The following LRFN5 variants were observed in gnomAD, a reference collection of about 807,000 sequenced individuals.
The protein encoded by LRFN5 is leucine-rich repeat and fibronectin type-III domain-containing protein 5.
Under a neutral mutation model 45.6 loss-of-function variants are expected in LRFN5, and 24 were observed. The ratio of observed to expected loss-of-function variants is 0.53; its 90% CI spans 0.38 to 0.74. The LOEUF is 0.74. LRFN5 is among the 30% of genes least tolerant of loss of function. The pLI, the probability that LRFN5 is intolerant of heterozygous loss-of-function variation, is 0.00. For synonymous variants in LRFN5, 340 were observed against 313.8 expected, an observed-to-expected ratio of 1.08 and a Z score of -0.88; for missense variants, 776 against 861.5, an observed-to-expected ratio of 0.90 and a Z score of 1.24.
intron 2 of LRFN5, among the ~76,000 whole-genome samples, chr14:41,779,316 T>C (rs558459431): frequency 6.6e-6 from 1 of 152,026 alleles, no homozygotes; most frequent in East Asian, 1.9e-4. Context: ...AAATTAGCTT[T>C]GGATAAATCT....
In LRFN5 at chr14:41,887,667, A is replaced by G. The variant is rs1890623443; in HGVS notation, c.1042A>G (p.Thr348Ala). Residue 348 changes from threonine to alanine, a missense_variant, in exon 3 of 6, where the codon ACT becomes GCT. By Grantham distance (58) the Thr-to-Ala change is moderately conservative. Transcript: ENST00000298119. This position sits in a 1 kb window ranked among gnomAD's most constrained non-coding sequence, Gnocchi z 4.8. ...CGGAACACTTGACATTCTTATCACA[A>G]CTGTAAAGGATACAGGTGCTTTTAC... The part of the protein sequence containing the change: ...DNGTLDILIT[T>A]VKDTGAFTCI... 1.2e-6 allele frequency: 2 copies of G among 1,614,096 alleles called. No homozygotes were observed. Among genetic ancestry groups the G allele is most frequent in the South Asian group, 1.1e-5 (1 of 91,094 alleles).
chr14:41,890,702 G>C (rs1318100259), intron 3 of LRFN5, among the ~76,000 whole-genome samples: 3 of 130,028 alleles, frequency 2.3e-5, no homozygotes, highest in Non-Finnish European at 5.0e-5. Context: ...GCGAGACTCC[G>C]TCTCAAAAAA....
At chr14:41,626,308 G>A (rs1308911733) in intron 1 of LRFN5, among the ~76,000 whole-genome samples, 1 of 152,064 alleles carries the variant, frequency 6.6e-6, no homozygotes, top group African/African-American at 2.4e-5. Flanking sequence ...TAAGATGTCA[G>A]TGATATTTGC....
intron 2 of LRFN5, among the ~76,000 whole-genome samples, chr14:41,884,189 T>C (rs1403377838): frequency 1.3e-5 from 2 of 152,230 alleles, no homozygotes; most frequent in Admixed American, 6.5e-5. Flanking sequence ...ATTTGGAAGA[T>C]GTCTCCAGGG....
At chr14:41,878,716 TAGAC>T (rs1471567800) in intron 2 of LRFN5, among the ~76,000 whole-genome samples, 3 of 152,128 alleles carry the variant, frequency 2.0e-5, no homozygotes, top group South Asian at 2.1e-4. Context: ...TTTGGAGAAA[TAGAC>T]AGATCGTGCT....
At chr14:41,651,655 T>C (rs1880132233) in intron 1 of LRFN5, among the ~76,000 whole-genome samples, 1 of 152,168 alleles carries the variant, frequency 6.6e-6, no homozygotes, top group Admixed American at 6.5e-5. Flanking sequence ...CTTAACACTT[T>C]TGTTGTGAAG....
At position 41,664,929 on chromosome 14, in the gene LRFN5, A is replaced by G. The variant is rs117733079; in HGVS notation, c.-197+56367A>G. Among the ~76,000 whole-genome samples the G allele has an allele frequency of 9.3e-3, 1,410 of 152,150 alleles. 6 individuals carry two copies. The highest frequency in any genetic ancestry group is 0.02 in the East Asian group (103 of 5,166). ...AATTCTATCCACAGGATAACTGCCA[A>G]ATATCTGGGTACCAATGATTGTATT... is the stretch of plus-strand genomic sequence containing the variant. On this transcript the variant is annotated intron_variant, in intron 1 of 5. Coordinates refer to ENST00000298119, the MANE Select transcript of LRFN5 (RefSeq NM_152447.5).
chr14:41,763,561 T>C (rs751237144), intron 1 of LRFN5, among the ~76,000 whole-genome samples: 4 of 152,168 alleles, frequency 2.6e-5, no homozygotes. Context: ...CCATGTGTCG[T>C]GTCGTGGGAG....
intron 2 of LRFN5, among the ~76,000 whole-genome samples, chr14:41,835,756 A>G (rs1888640893): frequency 6.6e-6 from 1 of 152,096 alleles, no homozygotes; most frequent in African/African-American, 2.4e-5. Flanking sequence ...AAAACAAACT[A>G]ATGAGTTAAT....
chr14:41,650,266 C>CAAAAAAAAAA (rs10654457), intron 1 of LRFN5, among the ~76,000 whole-genome samples: 3 of 135,534 alleles, frequency 2.2e-5, no homozygotes, highest in South Asian at 2.5e-4. Context: ...CACACACACA[C>CAAAAAAAAAA]AAAAAAAAAA....
chr14:41,671,344 T>G, intron 1 of LRFN5, among the ~76,000 whole-genome samples: 1 of 152,130 alleles, frequency 6.6e-6, no homozygotes, highest in Non-Finnish European at 1.5e-5. Context: ...CACTAATATT[T>G]TCCTCTTTAA....
intron 1 of LRFN5, among the ~76,000 whole-genome samples, chr14:41,760,797 G>GT (rs968467238): frequency 3.3e-5 from 5 of 151,912 alleles, no homozygotes; most frequent in Admixed American, 6.6e-5. Context: ...GTGAAAACTG[G>GT]TAGATATAAA....
intron 1 of LRFN5, among the ~76,000 whole-genome samples, chr14:41,731,069 T>C (rs926653366): frequency 6.6e-6 from 1 of 152,012 alleles, no homozygotes; most frequent in African/African-American, 2.4e-5. Flanking sequence ...TGTTTAATGA[T>C]GCAATGATAA....
chr14:41,730,196 G>C (rs1212953471), intron 1 of LRFN5, among the ~76,000 whole-genome samples: 1 of 151,914 alleles, frequency 6.6e-6, no homozygotes, highest in Non-Finnish European at 1.5e-5. Flanking sequence ...AAAATAGACT[G>C]CTTTTAAATG....
chr14:41,717,564 G>A (rs916590317), intron 1 of LRFN5, among the ~76,000 whole-genome samples: 2 of 152,120 alleles, frequency 1.3e-5, no homozygotes, highest in Non-Finnish European at 2.9e-5. Context: ...CTTTGCTGAA[G>A]CCCATTCTCA....
chr14:41,616,379 C>T (rs1887925821), intron 1 of LRFN5, among the ~76,000 whole-genome samples: 1 of 152,160 alleles, frequency 6.6e-6, no homozygotes, highest in Admixed American at 6.5e-5. Flanking sequence ...AGATGCCACT[C>T]TAGAAAAGTT....
chr14:41,886,647 C>T lies in LRFN5; in HGVS notation c.22C>T (p.Leu8=). The part of the protein sequence containing the change: MEKILFY[L]FLIGIAVKAQ... Reference sequence around the variant, plus strand: ...TACAATGGAAAAAATTCTTTTTTATCTGTTTCTCATTGGCATAGCAGTGAA... The same window carrying T: ...TACAATGGAAAAAATTCTTTTTTATTTGTTTCTCATTGGCATAGCAGTGAA... Residue 8 remains leucine, a synonymous_variant, in exon 3 of 6, where the codon CTG becomes TTG. Transcript: ENST00000298119. The T allele has an allele frequency of 1.9e-6, 3 of 1,582,022 alleles. No individual in the cohort carries two copies. Among genetic ancestry groups the T allele is most frequent in the Admixed American group, 3.9e-5 (2 of 51,046 alleles).
chr14:41,904,418 A>G lies in LRFN5; in HGVS notation c.*243A>G. ...GGCCTACAAGTATTTTTTTTTTAAAAAAGAAAAAAAGCCTACATTGGCATC... is the reference window on the plus strand; with the variant it reads ...GGCCTACAAGTATTTTTTTTTTAAAGAAGAAAAAAAGCCTACATTGGCATC... On this transcript the variant is annotated 3_prime_UTR_variant, in exon 6 of 6. Coordinates refer to ENST00000298119, the MANE Select transcript of LRFN5 (RefSeq NM_152447.5). The G allele has an allele frequency of 2.3e-6, 1 of 439,570 alleles. No individual in the cohort carries two copies. Among genetic ancestry groups the G allele is most frequent in the Non-Finnish European group, 4.0e-6 (1 of 250,300 alleles). The allele number at this position is 439,570 out of a possible 1,614,324, so 27.2% of individuals were successfully genotyped here.
intron 1 of LRFN5, among the ~76,000 whole-genome samples, chr14:41,638,420 G>A (rs72684575): frequency 0.044 from 6,662 of 152,074 alleles, 270 homozygotes; most frequent in Non-Finnish European, 0.06. Flanking sequence ...AATTACTGAA[G>A]GACAGCCCTT....
Sources: allele counts gnomAD v4.1 joint callset (sites outside exome capture counted in the v4.1 genomes callset), GRCh38; gene constraint gnomAD v4.1.1; non-coding constraint Gnocchi (gnomAD v3.1); transcripts MANE v1.5; gene names NCBI Gene and HGNC (gene_info 2026-07-23, HGNC 2026-07-21).